Variants in GRIN2B observed in about 807,000 individuals in gnomAD.
GRIN2B encodes the protein glutamate receptor ionotropic, NMDA 2B.
GRIN2B carries 5 observed loss-of-function variants against 114.5 expected under a neutral mutation model. The observed-to-expected ratio is 0.04, with a 90% CI of 0.02 to 0.09. The LOEUF (loss-of-function observed/expected upper bound fraction) is 0.09, where lower values mean the gene tolerates loss of function less well. GRIN2B is among the 10% of genes least tolerant of loss of function. The pLI is 1.00. For missense variants in GRIN2B, 1,108 were observed against 1,943.5 expected, an observed-to-expected ratio of 0.57 and a Z score of 8.08; for synonymous variants, 787 against 745.1, an observed-to-expected ratio of 1.06 and a Z score of -0.92.
At chr12:13,737,058 A>C (rs1475702798) in intron 4 of GRIN2B, among the ~76,000 whole-genome samples, 1 of 151,734 alleles carries the variant, frequency 6.6e-6, no homozygotes, top group African/African-American at 2.4e-5. Context: ...AAGAAGAAAA[A>C]GAACATGCAA....
At chr12:13,963,456 C>T (rs1257231396) in intron 2 of GRIN2B, among the ~76,000 whole-genome samples, 1 of 152,126 alleles carries the variant, frequency 6.6e-6, no homozygotes, top group Non-Finnish European at 1.5e-5. Flanking sequence ...ATGGAGAAGG[C>T]CAGCAAGGAC....
At chr12:13,932,984 T>C (rs200673835) in intron 2 of GRIN2B, among the ~76,000 whole-genome samples, 7,289 of 129,760 alleles carry the variant, frequency 0.056, 241 homozygotes, top group East Asian at 0.12. Flanking sequence ...TGTGTGTGTG[T>C]GTGCGTGTGC....
chr12:13,739,750 C>A (rs1367691621), intron 4 of GRIN2B, among the ~76,000 whole-genome samples: 8 of 152,170 alleles, frequency 5.3e-5, no homozygotes, highest in Admixed American at 5.2e-4. Context: ...GAATTTGGAA[C>A]TGGGCTGGGG....
Position 13,920,465 on chromosome 12 carries a change from A to T in GRIN2B, c.-18-54239T>A, listed in dbSNP as rs150636240. Reference sequence around the variant, plus strand: ...ATCCTAGGCAAAAACATCATTTTGTAACTGTGCAGGATATTGTTTGTTGAT... The same window carrying T: ...ATCCTAGGCAAAAACATCATTTTGTTACTGTGCAGGATATTGTTTGTTGAT... On this transcript the variant is annotated intron_variant, in intron 2 of 13. Coordinates refer to ENST00000609686, the MANE Select transcript of GRIN2B (RefSeq NM_000834.5). Among the ~76,000 whole-genome samples the T allele has an allele frequency of 2.6e-5, 4 of 152,326 alleles. No homozygotes were observed. In the East Asian group the frequency reaches 7.7e-4, roughly 29 times the overall value.
At chr12:13,832,439 C>G (rs1203407618) in intron 3 of GRIN2B, among the ~76,000 whole-genome samples, 2 of 152,068 alleles carry the variant, frequency 1.3e-5, no homozygotes, top group Non-Finnish European at 2.9e-5. Context: ...TGAATAAAAC[C>G]TCCCAGAGTA....
At chr12:13,626,629 A>G (rs879151468) in intron 5 of GRIN2B, among the ~76,000 whole-genome samples, 1 of 152,156 alleles carries the variant, frequency 6.6e-6, no homozygotes, top group Admixed American at 6.5e-5. Context: ...CTAATTTGTC[A>G]TATTAGTAAG....
At chr12:13,779,018 C>T (rs1010868993) in intron 3 of GRIN2B, among the ~76,000 whole-genome samples, 3 of 152,102 alleles carry the variant, frequency 2.0e-5, no homozygotes, top group East Asian at 3.9e-4. Context: ...GCGACCCAAC[C>T]CCTGCTCTGT....
At chr12:13,966,243 T>C (rs1032218212) in intron 2 of GRIN2B, among the ~76,000 whole-genome samples, 3 of 152,242 alleles carry the variant, frequency 2.0e-5, no homozygotes, top group Admixed American at 6.5e-5. Flanking sequence ...GAAGACAGTA[T>C]ATATGAGAAA....
At position 13,920,038 on chromosome 12, in the gene GRIN2B, G is replaced by A. The variant is rs181272772; in HGVS notation, c.-18-53812C>T. The stretch of plus-strand genomic sequence containing the variant: ...GAGCTTATCTCTGAAGAGGCCTAGG[G>A]TGGTAAAAAGCCCTCAGAGGAATTC... On this transcript the variant is annotated intron_variant, in intron 2 of 13. Transcript: ENST00000609686. 2.2e-3 allele frequency among the ~76,000 whole-genome samples: 340 copies of A among 152,174 alleles called. 7 individuals are homozygous for A. The highest frequency in any genetic ancestry group is 7.4e-4 in the Non-Finnish European group (50 of 68,012).
chr12:13,732,476 T>C (rs1863100877), intron 4 of GRIN2B, among the ~76,000 whole-genome samples: 1 of 152,188 alleles, frequency 6.6e-6, no homozygotes, highest in African/African-American at 2.4e-5. Flanking sequence ...TTCTTTGAAA[T>C]CCAGGTCAAG....
intron 3 of GRIN2B, among the ~76,000 whole-genome samples, chr12:13,802,043 G>C (rs1171619623): frequency 6.6e-6 from 1 of 152,018 alleles, no homozygotes; most frequent in Non-Finnish European, 1.5e-5. Flanking sequence ...GTGCTTGGGT[G>C]CTCAAGATAC....
At chr12:13,821,119 C>T (rs1204631135) in intron 3 of GRIN2B, among the ~76,000 whole-genome samples, 6 of 152,054 alleles carry the variant, frequency 3.9e-5, no homozygotes, top group Non-Finnish European at 7.4e-5. Context: ...CATGCTGTTC[C>T]ATTTTTCTTG....
intron 10 of GRIN2B, among the ~76,000 whole-genome samples, chr12:13,589,365 G>A (rs1257562317): frequency 6.6e-6 from 1 of 152,166 alleles, no homozygotes; most frequent in African/African-American, 2.4e-5. Context: ...ATTGAGGGTG[G>A]CAGTTTCTAG....
intron 2 of GRIN2B, among the ~76,000 whole-genome samples, chr12:13,937,540 T>G (rs999188819): frequency 3.3e-5 from 5 of 152,048 alleles, no homozygotes; most frequent in African/African-American, 1.2e-4. Context: ...CAGAATTATA[T>G]TCTCCAATAA....
At chr12:13,647,120 TGA>T (rs1292568974) in intron 5 of GRIN2B, among the ~76,000 whole-genome samples, 2 of 152,078 alleles carry the variant, frequency 1.3e-5, no homozygotes, top group Non-Finnish European at 2.9e-5. Flanking sequence ...TTGCATCTTT[TGA>T]GACCCTGAGT....
At chr12:13,766,406 G>T (rs1161690402) in intron 3 of GRIN2B, among the ~76,000 whole-genome samples, 1 of 152,146 alleles carries the variant, frequency 6.6e-6, no homozygotes, top group Non-Finnish European at 1.5e-5. Flanking sequence ...CTAGTTTTGT[G>T]CAGTGAGCAA....
At chr12:13,782,557 C>T (rs1864137556) in intron 3 of GRIN2B, among the ~76,000 whole-genome samples, 1 of 152,142 alleles carries the variant, frequency 6.6e-6, no homozygotes. Flanking sequence ...AGAAAGAATT[C>T]TAGATTATCT....
chr12:13,809,263 C>G (rs1864681374), intron 3 of GRIN2B, among the ~76,000 whole-genome samples: 1 of 152,174 alleles, frequency 6.6e-6, no homozygotes, highest in South Asian at 2.1e-4. Context: ...TCACTATACA[C>G]TTCAGCTCTT....
chr12:13,615,410 A>C lies in GRIN2B; in HGVS notation c.1500+83T>G. The C allele has an allele frequency of 1.4e-6, 2 of 1,457,516 alleles. No individual in the cohort carries two copies. The highest frequency in any genetic ancestry group is 1.9e-6 in the Non-Finnish European group (2 of 1,037,348). 90.3% of individuals were successfully genotyped at this position (1,457,516 alleles called of 1,614,324 possible). A position where few individuals can be genotyped will look rare whatever the true frequency, so the allele number is the denominator to read the frequency against. On this transcript the variant is annotated intron_variant, in intron 7 of 13. Transcript: ENST00000609686. This position sits in a 1 kb window ranked among gnomAD's most constrained non-coding sequence, Gnocchi z 5.8. ...CCATTTTATATTTTCTGAAATGCATAAAGTGAGCACGTTTTAAACTTATAT... is the reference window on the plus strand; with the variant it reads ...CCATTTTATATTTTCTGAAATGCATCAAGTGAGCACGTTTTAAACTTATAT...
Sources: gnomAD v4.1 joint callset for allele counts (sites outside exome capture counted in the v4.1 genomes callset) on GRCh38, gnomAD v4.1.1 for gene constraint, Gnocchi (gnomAD v3.1) non-coding constraint, MANE v1.5 for transcripts, NCBI Gene and HGNC (gene_info 2026-07-23, HGNC 2026-07-21) for gene names.